The following TMEM218 variants were observed in gnomAD, a reference collection of about 807,000 sequenced individuals.
TMEM218 encodes transmembrane protein 218.
A neutral mutation model predicts 10.0 loss-of-function variants in TMEM218; 8 were observed. That is an observed-to-expected ratio of 0.80 (90% CI 0.47 to 1.44). The LOEUF is 1.44. Ranked by LOEUF, TMEM218 falls within the 40% of genes most tolerant of loss-of-function variation. The pLI is 0.00. For missense variants in TMEM218, 110 were observed against 140.1 expected (o/e 0.79, Z 1.08); for synonymous variants, 66 against 63.5 (o/e 1.04, Z -0.18).
At chr11:125,102,435 A>G (rs1159650552) in intron 2 of TMEM218, 118 bp from the exon 3 acceptor site, 2 of 1,492,620 alleles carry the variant, frequency 1.3e-6, no homozygotes, top group Non-Finnish European at 1.8e-6. Context: ...AGAAATGTCC[A>G]GTCCCAGAGT....
At chr11:125,105,214 G>A (rs1418999838) in intron 1 of TMEM218, among the ~76,000 whole-genome samples, 1 of 152,190 alleles carries the variant, frequency 6.6e-6, no homozygotes, top group African/African-American at 2.4e-5. Flanking sequence ...ATATCCATGT[G>A]TGAGATTCAA....
chr11:125,104,085 G>A (rs1032754426), intron 1 of TMEM218: 2 of 152,228 alleles, frequency 1.3e-5, no homozygotes, highest in African/African-American at 2.4e-5. Context: ...CTGATTAATG[G>A]TAAAAGCGAA....
intron 1 of TMEM218, among the ~76,000 whole-genome samples, chr11:125,109,748 C>T (rs777941113): frequency 9.2e-5 from 14 of 152,170 alleles, no homozygotes; most frequent in Non-Finnish European, 1.8e-4. Context: ...GTTGACTGAG[C>T]TGATGGTACT....
At chr11:125,103,183 TG>T (rs1367315617) in intron 1 of TMEM218, 5 of 154,188 alleles carry the variant, frequency 3.2e-5, no homozygotes, top group African/African-American at 1.2e-4. Context: ...CCTTACCACC[TG>T]AGCTTCGCCT....
intron 1 of TMEM218, among the ~76,000 whole-genome samples, chr11:125,105,869 T>C (rs905716180): frequency 1.3e-5 from 2 of 152,004 alleles, no homozygotes; most frequent in Non-Finnish European, 2.9e-5. Context: ...CAAAATAAGA[T>C]TGTAAAAATA....
At position 125,108,758 on chromosome 11, in the gene TMEM218, A is replaced by C. The variant is rs1055794657; in HGVS notation, c.-153+2781T>G. Among the ~76,000 whole-genome samples, 3 of 152,162 alleles carry C rather than the reference A, an allele frequency of 2.0e-5. No individual in the cohort carries two copies. The highest frequency in any genetic ancestry group is 7.2e-5 in the African/African-American group (3 of 41,428). ...AAAAAATACATTATGTTTATACAAAAACCGGAGTTAGGCTCTACACTCAGA... is the reference window on the plus strand; with the variant it reads ...AAAAAATACATTATGTTTATACAAACACCGGAGTTAGGCTCTACACTCAGA... On this transcript the variant is annotated intron_variant, in intron 1 of 4. Coordinates refer to ENST00000682305, the MANE Select transcript of TMEM218 (RefSeq NM_001258244.2). This position sits in a 1 kb window ranked among gnomAD's most constrained non-coding sequence, Gnocchi z 5.3.
At chr11:125,101,497 A>T in intron 3 of TMEM218, 194 bp from the exon 4 acceptor site, 2 of 1,523,992 alleles carry the variant, frequency 1.3e-6, no homozygotes, top group South Asian at 2.5e-5. Flanking sequence ...GTGCATTCCC[A>T]TTTATTCTTG....
intron 2 of TMEM218, 168 bp from the exon 3 acceptor site, chr11:125,102,485 C>T: frequency 6.8e-7 from 1 of 1,461,356 alleles, no homozygotes; most frequent in Non-Finnish European, 9.0e-7. Flanking sequence ...CAAAGCCTTT[C>T]TCTTTGGTGG....
chr11:125,105,254 T>C (rs1951839578), intron 1 of TMEM218, among the ~76,000 whole-genome samples: 1 of 152,060 alleles, frequency 6.6e-6, no homozygotes, highest in Non-Finnish European at 1.5e-5. Flanking sequence ...GAATCCCAAA[T>C]AGAAAGATTA....
chr11:125,104,701 C>G (rs1951717984), intron 1 of TMEM218: 1 of 152,174 alleles, frequency 6.6e-6, no homozygotes, highest in Non-Finnish European at 1.5e-5. Context: ...ACAGTGCTAA[C>G]AAGTCCACAA....
rs1327316124 is a variant in TMEM218 at position 125,102,181 on chromosome 11, C to T, written c.61G>A (p.Ala21Thr). The change falls in exon 3 of 5, where the codon GCA (alanine) becomes ACA (threonine). Residue 21 changes from alanine to threonine, a missense_variant. Ala to Thr is a moderately conservative substitution (Grantham distance 58). Coordinates refer to ENST00000682305, the MANE Select transcript of TMEM218 (RefSeq NM_001258244.2). The part of the protein sequence containing the change: ...GVFILALLWV[A>T]VLLLCVLLSR... Reference sequence around the variant, plus strand: ...AGCAGCACACACAGCAGCAGCACTGCCACCCAGAGCAGGGCTAAGATGAAC... The same window carrying T: ...AGCAGCACACACAGCAGCAGCACTGTCACCCAGAGCAGGGCTAAGATGAAC... The T allele has an allele frequency of 3.1e-6, 5 of 1,611,102 alleles. No homozygotes were observed. In the Admixed American group the frequency reaches 8.4e-5, roughly 27 times the overall value.
Position 125,096,088 on chromosome 11 carries a change from C to T in TMEM218, c.*1518G>A, listed in dbSNP as rs1949609398. Among the ~76,000 whole-genome samples, 1 of 152,146 alleles carries T rather than the reference C, an allele frequency of 6.6e-6. No individual in the cohort carries two copies. Among genetic ancestry groups the T allele is most frequent in the South Asian group, 2.1e-4 (1 of 4,828 alleles). ...CTTTTCTTACCTGTGTGCCCTAGGC[C>T]AGATTAGGAAACTATTTCCTTTGAA... On this transcript the variant is annotated 3_prime_UTR_variant, in exon 5 of 5. Coordinates refer to ENST00000682305, the MANE Select transcript of TMEM218 (RefSeq NM_001258244.2).
rs1043445926 is a variant in TMEM218 at position 125,095,246 on chromosome 11, C to T, written c.*2360G>A. ...AACAGTGGGGATCACCAGTCTGCCA[C>T]AGGATCCCCTCTGGGTAGGGAACAG... On this transcript the variant is annotated 3_prime_UTR_variant, in exon 5 of 5. Transcript: ENST00000682305. Among the ~76,000 whole-genome samples, 1 of 152,194 alleles carries T rather than the reference C, an allele frequency of 6.6e-6. No individual in the cohort carries two copies. The highest frequency in any genetic ancestry group is 2.1e-4 in the South Asian group (1 of 4,830).
At chr11:125,099,215 T>TA (rs773750416) in intron 4 of TMEM218, among the ~76,000 whole-genome samples, 1 of 152,206 alleles carries the variant, frequency 6.6e-6, no homozygotes, top group Non-Finnish European at 1.5e-5. Flanking sequence ...ACAGTCAACT[T>TA]ACAACAAAGG....
Position 125,106,606 on chromosome 11 carries a change from G to A in TMEM218, c.-152-3797C>T, listed in dbSNP as rs1427966117. ...AGGTGCTCAACTTCATTAGTCATCCGGAAATTGCAAATTAAAACCAAATTC... is the reference window on the plus strand; with the variant it reads ...AGGTGCTCAACTTCATTAGTCATCCAGAAATTGCAAATTAAAACCAAATTC... On this transcript the variant is annotated intron_variant, in intron 1 of 4. Transcript: ENST00000682305. 4.6e-5 allele frequency among the ~76,000 whole-genome samples: 7 copies of A among 152,142 alleles called. No homozygotes were observed. The East Asian group carries it at 7.7e-4, about 17-fold the overall frequency.
In TMEM218 at chr11:125,102,234, C is replaced by G; in HGVS notation, c.8G>C (p.Gly3Ala). The change falls in exon 3 of 5, where the codon GGC becomes GCC. Residue 3 changes from glycine to alanine, a missense_variant. Physicochemically the swap from Gly to Ala is moderately conservative, Grantham distance 60. Coordinates refer to ENST00000682305, the MANE Select transcript of TMEM218 (RefSeq NM_001258244.2). MAGTVLGVGAGVF... is the reference protein window; with the variant it reads MAATVLGVGAGVF... ...GCCCGCACCGACTCCGAGCACAGTG[C>G]CAGCCATCCCGCGGGGAGGCAGCGG... 6.2e-7 allele frequency: 1 copy of G among 1,612,822 alleles called. No homozygotes were observed. The highest frequency in any genetic ancestry group is 1.3e-5 in the African/African-American group (1 of 75,006).
chr11:125,101,425 G>A (rs1335688932), intron 3 of TMEM218, 122 bp from the exon 4 acceptor site: 1 of 1,527,846 alleles, frequency 6.5e-7, no homozygotes, highest in East Asian at 2.5e-5. Flanking sequence ...ACAATGTCCA[G>A]AGGCCTGCTG....
rs1364525922 is a variant in TMEM218 at position 125,098,800 on chromosome 11, TAGGG to T, written c.214-1064_214-1061del. ...AATCACAGGATCCTTCTAAGTTGAA[TAGGG>T]AGGTGGGAGAGAGGGTCAGAGCAAG... On this transcript the variant is annotated intron_variant, in intron 4 of 4. Transcript: ENST00000682305. Among the ~76,000 whole-genome samples, 4 of 152,028 alleles carry T rather than the reference TAGGG, an allele frequency of 2.6e-5. No individual in the cohort carries two copies. In the East Asian group the frequency reaches 7.7e-4, roughly 29 times the overall value.
In TMEM218 at chr11:125,096,620, G is replaced by T. The variant is rs921816686; in HGVS notation, c.*986C>A. 1 of 152,172 alleles carries T rather than the reference G, an allele frequency of 6.6e-6. No individual in the cohort carries two copies. The highest frequency in any genetic ancestry group is 2.4e-5 in the African/African-American group (1 of 41,442). 9.4% of individuals were successfully genotyped at this position (152,172 alleles called of 1,614,324 possible). A position where few individuals can be genotyped will look rare whatever the true frequency, so the allele number is the denominator to read the frequency against. On this transcript the variant is annotated 3_prime_UTR_variant, in exon 5 of 5. Transcript: ENST00000682305. Reference sequence around the variant, plus strand: ...TCCATCAGTGATCTCTTTCCAACTTGTTTTCTTGGTTCTTAATTTTAAGCC... The same window carrying T: ...TCCATCAGTGATCTCTTTCCAACTTTTTTTCTTGGTTCTTAATTTTAAGCC...
Sources: allele counts gnomAD v4.1 joint callset (sites outside exome capture counted in the v4.1 genomes callset), GRCh38; gene constraint gnomAD v4.1.1; non-coding constraint Gnocchi (gnomAD v3.1); transcripts MANE v1.5; gene names NCBI Gene and HGNC (gene_info 2026-07-23, HGNC 2026-07-21).